The following GRM7 variants were observed in gnomAD, a reference collection of about 807,000 sequenced individuals.
The protein encoded by GRM7 is glutamate metabotropic receptor 7, also known as metabotropic glutamate receptor 7.
Under a neutral mutation model 84.5 loss-of-function variants are expected in GRM7, and 35 were observed. The observed-to-expected ratio is 0.41, with a 90% CI of 0.32 to 0.55. The LOEUF (loss-of-function observed/expected upper bound fraction) is 0.55, where lower values mean the gene tolerates loss of function less well. Among genes scored for constraint, GRM7 ranks in the 20% least tolerant of loss-of-function variants. The pLI, the probability that GRM7 is intolerant of heterozygous loss-of-function variation, is 0.19. For missense variants in GRM7, 1,003 were observed against 1,194.6 expected, an observed-to-expected ratio of 0.84 and a Z score of 2.36; for synonymous variants, 487 against 455.1, an observed-to-expected ratio of 1.07 and a Z score of -0.89.
At chr3:7,101,709 A>ATT (rs1699113274) in intron 1 of GRM7, among the ~76,000 whole-genome samples, 1 of 149,912 alleles carries the variant, frequency 6.7e-6, no homozygotes, top group East Asian at 1.9e-4. Flanking sequence ...AATTGTTTTC[A>ATT]TAGTTTTTGC....
At chr3:7,672,806 A>G (rs983268117) in intron 8 of GRM7, among the ~76,000 whole-genome samples, 3 of 151,858 alleles carry the variant, frequency 2.0e-5, no homozygotes, top group African/African-American at 7.2e-5. Flanking sequence ...ATGGGGTTTC[A>G]CCGTGGTCTC....
At chr3:7,389,802 T>A (rs1250722616) in intron 4 of GRM7, among the ~76,000 whole-genome samples, 1 of 152,048 alleles carries the variant, frequency 6.6e-6, no homozygotes, top group Non-Finnish European at 1.5e-5. Flanking sequence ...TTTAATCCAA[T>A]TTGCCACTCT....
At position 7,107,033 on chromosome 3, in the gene GRM7, C is replaced by A. The variant is rs115897539; in HGVS notation, c.520-39419C>A. Among the ~76,000 whole-genome samples, 1,294 of 152,116 alleles carry A rather than the reference C, an allele frequency of 8.5e-3. 17 individuals are homozygous for A. The highest frequency in any genetic ancestry group is 0.029 in the African/African-American group (1,224 of 41,520). The stretch of plus-strand genomic sequence containing the variant: ...CTTAGAAAAAAGATACCTTTTTAAA[C>A]TCACACAAAACCTAGGGGGCTATGA... On this transcript the variant is annotated intron_variant, in intron 1 of 9. Coordinates refer to ENST00000357716, the MANE Select transcript of GRM7 (RefSeq NM_000844.4).
chr3:7,514,026 C>T (rs1700296241), intron 7 of GRM7, among the ~76,000 whole-genome samples: 1 of 152,236 alleles, frequency 6.6e-6, no homozygotes, highest in South Asian at 2.1e-4. Flanking sequence ...GTGACTTAAT[C>T]TATTTCCTTA....
chr3:7,039,643 T>C (rs1696517608), intron 1 of GRM7, among the ~76,000 whole-genome samples: 1 of 152,140 alleles, frequency 6.6e-6, no homozygotes, highest in Non-Finnish European at 1.5e-5. Context: ...CTAGGGAGTG[T>C]CAATCAATAC....
At chr3:7,565,180 C>T in intron 7 of GRM7, among the ~76,000 whole-genome samples, 1 of 152,176 alleles carries the variant, frequency 6.6e-6, no homozygotes, top group East Asian at 1.9e-4. Context: ...TCTAATTACA[C>T]TTTAACTCAA....
At chr3:7,162,405 A>G (rs971340129) in intron 2 of GRM7, among the ~76,000 whole-genome samples, 4 of 152,300 alleles carry the variant, frequency 2.6e-5, no homozygotes, top group Non-Finnish European at 5.9e-5. Context: ...GAGACCAAGT[A>G]AAAAAGTGTT....
intron 2 of GRM7, among the ~76,000 whole-genome samples, chr3:7,271,855 T>A (rs1698877583): frequency 6.6e-6 from 1 of 152,188 alleles, no homozygotes; most frequent in South Asian, 2.1e-4. Context: ...TCAACACATT[T>A]GTGTTGCACT....
At chr3:7,706,304 T>C (rs1701384946) in intron 9 of GRM7, among the ~76,000 whole-genome samples, 1 of 152,204 alleles carries the variant, frequency 6.6e-6, no homozygotes, top group South Asian at 2.1e-4. Flanking sequence ...TTGAGATCTT[T>C]ACAAAGATAT....
intron 4 of GRM7, among the ~76,000 whole-genome samples, chr3:7,342,007 A>G (rs1692659413): frequency 1.3e-5 from 2 of 152,164 alleles, no homozygotes; most frequent in South Asian, 4.1e-4. Context: ...AGATGACATC[A>G]GACAAGTTCT....
chr3:6,961,650 C>T (rs1693301201), intron 1 of GRM7, among the ~76,000 whole-genome samples: 2 of 152,232 alleles, frequency 1.3e-5, no homozygotes, highest in South Asian at 4.1e-4. Context: ...TTAAAAATAG[C>T]ATAGACACAA....
At chr3:7,195,010 A>G (rs897413429) in intron 2 of GRM7, among the ~76,000 whole-genome samples, 26 of 152,144 alleles carry the variant, frequency 1.7e-4, no homozygotes, top group African/African-American at 6.3e-4. Flanking sequence ...CCCAGAGGCC[A>G]GAACAAGGCT....
At chr3:7,145,051 A>G in intron 1 of GRM7, among the ~76,000 whole-genome samples, 1 of 152,196 alleles carries the variant, frequency 6.6e-6, no homozygotes, top group East Asian at 1.9e-4. Context: ...AACTAGCCTT[A>G]AACTATGGCA....
At chr3:7,441,283 T>C (rs1697275898) in intron 5 of GRM7, among the ~76,000 whole-genome samples, 1 of 152,220 alleles carries the variant, frequency 6.6e-6, no homozygotes, top group South Asian at 2.1e-4. Flanking sequence ...TGAATATGTC[T>C]TCTTTTGAAA....
At chr3:7,374,554 C>G (rs1559276607) in intron 4 of GRM7, among the ~76,000 whole-genome samples, 1 of 151,930 alleles carries the variant, frequency 6.6e-6, no homozygotes, top group African/African-American at 2.4e-5. Flanking sequence ...TCTCGGCTCA[C>G]TGCAACCTCT....
At chr3:7,650,758 C>G (rs1227555100) in intron 8 of GRM7, among the ~76,000 whole-genome samples, 1 of 152,160 alleles carries the variant, frequency 6.6e-6, no homozygotes, top group Admixed American at 6.5e-5. Context: ...CCCTCTGTTG[C>G]CCAGGCTGGA....
At chr3:7,290,964 C>G (rs980444343) in intron 2 of GRM7, among the ~76,000 whole-genome samples, 1 of 152,036 alleles carries the variant, frequency 6.6e-6, no homozygotes, top group East Asian at 1.9e-4. Flanking sequence ...CCCCTCCCCA[C>G]CCCCAGGTGC....
At chr3:7,340,877 A>G (rs1429194853) in intron 4 of GRM7, among the ~76,000 whole-genome samples, 1 of 152,134 alleles carries the variant, frequency 6.6e-6, no homozygotes, top group African/African-American at 2.4e-5. Flanking sequence ...GTGCAAGGGT[A>G]GGAATTACGT....
intron 1 of GRM7, among the ~76,000 whole-genome samples, chr3:6,953,324 T>G (rs996020973): frequency 1.3e-5 from 2 of 152,222 alleles, no homozygotes; most frequent in African/African-American, 4.8e-5. Flanking sequence ...TCAACTCACA[T>G]GCCTTGGCAA....
Sources: allele counts gnomAD v4.1 joint callset (sites outside exome capture counted in the v4.1 genomes callset), GRCh38; gene constraint gnomAD v4.1.1; transcripts MANE v1.5; gene names NCBI Gene and HGNC (gene_info 2026-07-23, HGNC 2026-07-21).